The following NTM variants were observed in gnomAD, a reference collection of about 807,000 sequenced individuals.
NTM encodes the protein IgLON family member 2.
A neutral mutation model predicts 42.1 loss-of-function variants in NTM; 13 were observed. That is an observed-to-expected ratio of 0.31 (90% CI 0.20 to 0.49). The LOEUF (loss-of-function observed/expected upper bound fraction) is 0.49, where lower values mean the gene tolerates loss of function less well. Ranked by LOEUF, NTM falls within the 20% of genes least tolerant of loss-of-function variation. The pLI is 0.99. For synonymous variants in NTM, 187 were observed against 179.2 expected (o/e 1.04, Z -0.35); for missense variants, 373 against 452.8 (o/e 0.82, Z 1.60).
chr11:131,792,780 G>A (rs2091110862), intron 1 of NTM, among the ~76,000 whole-genome samples: 1 of 152,238 alleles, frequency 6.6e-6, no homozygotes, highest in African/African-American at 2.4e-5. Flanking sequence ...CAGTTAAGAA[G>A]AGTGGCAATT....
At chr11:131,418,926 ATTG>A (rs1461738938) in intron 1 of NTM, among the ~76,000 whole-genome samples, 10 of 152,088 alleles carry the variant, frequency 6.6e-5, no homozygotes, top group African/African-American at 2.4e-4. Flanking sequence ...CACTTCACCT[ATTG>A]TTCTTTCATT....
At chr11:131,739,958 A>G (rs1170445265) in intron 1 of NTM, among the ~76,000 whole-genome samples, 1 of 152,208 alleles carries the variant, frequency 6.6e-6, no homozygotes, top group African/African-American at 2.4e-5. Context: ...TACACCCAGG[A>G]GTGTGATTAT....
chr11:131,432,884 C>T (rs1487982576), intron 1 of NTM, among the ~76,000 whole-genome samples: 7 of 78,854 alleles, frequency 8.9e-5, no homozygotes, highest in Non-Finnish European at 1.2e-4. Context: ...GACGGAGTCT[C>T]ACTCTGTTTG....
At position 131,917,687 on chromosome 11, in the gene NTM, C is replaced by T. The variant is rs115050339; in HGVS notation, c.167+6039C>T. Reference sequence around the variant, plus strand: ...TTGATCCGTTGTTTATGAGTTCACCCGTTCAGAATAGCAATGCTACTCAGG... The same window carrying T: ...TTGATCCGTTGTTTATGAGTTCACCTGTTCAGAATAGCAATGCTACTCAGG... On this transcript the variant is annotated intron_variant, in intron 2 of 8. Coordinates refer to ENST00000683400, the MANE Select transcript of NTM (RefSeq NM_001352005.2). Among the ~76,000 whole-genome samples, 642 of 152,278 alleles carry T rather than the reference C, an allele frequency of 4.2e-3. 3 individuals are homozygous for T. Among genetic ancestry groups the T allele is most frequent in the African/African-American group, 0.015 (610 of 41,542 alleles).
intron 1 of NTM, among the ~76,000 whole-genome samples, chr11:131,421,983 G>T (rs1223686218): frequency 6.6e-6 from 1 of 152,170 alleles, no homozygotes; most frequent in African/African-American, 2.4e-5. Context: ...AGTAGGCAGT[G>T]GTCAGGAGCA....
At chr11:131,795,404 T>G (rs2091442706) in intron 1 of NTM, 1 of 985,238 alleles carries the variant, frequency 1.0e-6, no homozygotes, top group African/African-American at 1.7e-5. Flanking sequence ...ATAGTGATAT[T>G]TTAGGACTGT....
chr11:131,800,184 G>C (rs1280600143), intron 1 of NTM, among the ~76,000 whole-genome samples: 1 of 152,156 alleles, frequency 6.6e-6, no homozygotes, highest in Non-Finnish European at 1.5e-5. Context: ...AAACATGAAG[G>C]GTCTATGACT....
intron 1 of NTM, among the ~76,000 whole-genome samples, chr11:131,841,490 G>A (rs1255447095): frequency 6.6e-6 from 1 of 152,176 alleles, no homozygotes; most frequent in Non-Finnish European, 1.5e-5. Context: ...AGAATCACTT[G>A]GGCAATTTTA....
intron 1 of NTM, among the ~76,000 whole-genome samples, chr11:131,696,885 G>C (rs983978160): frequency 6.6e-6 from 1 of 152,050 alleles, no homozygotes; most frequent in African/African-American, 2.4e-5. Flanking sequence ...TGGTGCAGAG[G>C]CTTTTAAAGG....
intron 1 of NTM, among the ~76,000 whole-genome samples, chr11:131,770,462 A>C (rs2085884298): frequency 1.3e-5 from 2 of 152,246 alleles, no homozygotes; most frequent in African/African-American, 4.8e-5. Flanking sequence ...TTCCAAGAGC[A>C]GTCACTTCAG....
At chr11:131,559,159 G>A (rs1324985810) in intron 1 of NTM, among the ~76,000 whole-genome samples, 4 of 152,184 alleles carry the variant, frequency 2.6e-5, no homozygotes, top group African/African-American at 4.8e-5. Flanking sequence ...CACGGCCAGC[G>A]TGTTTTGCGG....
chr11:132,059,906 T>A (rs2080361820), intron 2 of NTM, among the ~76,000 whole-genome samples: 1 of 152,160 alleles, frequency 6.6e-6, no homozygotes, highest in African/African-American at 2.4e-5. Context: ...TGGACTCCCC[T>A]CCTGCAATGG....
intron 1 of NTM, among the ~76,000 whole-genome samples, chr11:131,727,086 C>T (rs1472866991): frequency 6.6e-6 from 1 of 151,312 alleles, no homozygotes; most frequent in Admixed American, 6.6e-5. Context: ...CTCTCTGTTG[C>T]CTCCTAACAC....
At chr11:131,511,975 T>C (rs1010530453) in intron 1 of NTM, among the ~76,000 whole-genome samples, 1 of 152,182 alleles carries the variant, frequency 6.6e-6, no homozygotes, top group South Asian at 2.1e-4. Context: ...CCAGCCATAG[T>C]GAAGCCAGCG....
At chr11:132,280,635 G>T (rs1196565252) in intron 4 of NTM, among the ~76,000 whole-genome samples, 1 of 151,898 alleles carries the variant, frequency 6.6e-6, no homozygotes, top group Non-Finnish European at 1.5e-5. Flanking sequence ...ACAGGTGCAT[G>T]CCACCACACC....
chr11:131,911,041 G>A (rs568849120), intron 1 of NTM: 2 of 1,048,170 alleles, frequency 1.9e-6, no homozygotes, highest in East Asian at 7.3e-5. Context: ...TCGAACTGAG[G>A]GACTGCAGAC....
At chr11:132,062,555 A>C (rs574910792) in intron 2 of NTM, among the ~76,000 whole-genome samples, 14 of 152,108 alleles carry the variant, frequency 9.2e-5, no homozygotes, top group African/African-American at 1.4e-4. Flanking sequence ...AAGGAAGGGA[A>C]TCTTTCAACA....
At chr11:132,204,696 G>A (rs1226953671) in intron 3 of NTM, among the ~76,000 whole-genome samples, 1 of 152,142 alleles carries the variant, frequency 6.6e-6, no homozygotes, top group African/African-American at 2.4e-5. Flanking sequence ...GAGGGAGGCG[G>A]CATCCAGAGT....
At chr11:131,671,245 C>A (rs911188724) in intron 1 of NTM, among the ~76,000 whole-genome samples, 1 of 152,194 alleles carries the variant, frequency 6.6e-6, no homozygotes, top group Non-Finnish European at 1.5e-5. Context: ...CCTATCTCCC[C>A]CAGGCAGAGG....
Sources: gnomAD v4.1 joint callset for allele counts (sites outside exome capture counted in the v4.1 genomes callset) on GRCh38, gnomAD v4.1.1 for gene constraint, MANE v1.5 for transcripts, NCBI Gene and HGNC (gene_info 2026-07-23, HGNC 2026-07-21) for gene names.